HTN1: variants seen among roughly 807,000 people sequenced by gnomAD.
The protein encoded by HTN1 is histatin-1.
In HTN1, 18 loss-of-function variants were observed where a neutral mutation model predicts 11.2. The observed-to-expected ratio is 1.61, with a 90% CI of 1.12 to 2.39. HTN1 has a LOEUF of 2.39. Ranked by LOEUF, HTN1 falls within the 30% of genes most tolerant of loss-of-function variation. The pLI is 0.00. For missense variants in HTN1, 80 were observed against 67.2 expected (o/e 1.19, Z -0.67); for synonymous variants, 21 against 20.5 (o/e 1.02, Z -0.07).
At position 70,054,401 on chromosome 4, in the gene HTN1, C is replaced by A. The variant is rs1725982432; in HGVS notation, c.73-20C>A. ...AATAAACATATATTGAATTTTTAAT[C>A]TTTTCTTTTTATTTCATAGAGACAT... On this transcript the variant is annotated intron_variant, in intron 3 of 5. Transcript: ENST00000246896. 2.0e-6 allele frequency: 3 copies of A among 1,520,706 alleles called. No homozygotes were observed. The highest frequency in any genetic ancestry group is 1.8e-5 in the Admixed American group (1 of 56,280). The allele number at this position is 1,520,706 out of a possible 1,614,324, so 94.2% of individuals were successfully genotyped here.
chr4:70,051,293 A>G (rs1660648034), intron 1 of HTN1, among the ~76,000 whole-genome samples: 2 of 152,152 alleles, frequency 1.3e-5, no homozygotes, highest in South Asian at 2.1e-4. Context: ...CAGTGCTGTT[A>G]TAATGCAAAG....
At position 70,058,572 on chromosome 4, in the gene HTN1, C is replaced by T. The variant is rs1726101039; in HGVS notation, c.*34-8C>T. ...GAAGATAAAGTGTTATTTTCTTTTT[C>T]TTCACAGGTTTGACTGGCAAATTCA... On this transcript the variant is annotated splice_region_variant and splice_polypyrimidine_tract_variant and intron_variant, in intron 5 of 5. Transcript: ENST00000246896. 2 of 151,982 alleles carry T rather than the reference C, an allele frequency of 1.3e-5. No individual in the cohort carries two copies. The highest frequency in any genetic ancestry group is 4.8e-5 in the African/African-American group (2 of 41,412). 9.4% of individuals were successfully genotyped at this position (151,982 alleles called of 1,614,324 possible). A position where few individuals can be genotyped will look rare whatever the true frequency, so the allele number is the denominator to read the frequency against.
At chr4:70,058,449 T>C (rs1726098270) in intron 5 of HTN1, 131 bp from the exon 6 acceptor site, 1 of 152,160 alleles carries the variant, frequency 6.6e-6, no homozygotes, top group African/African-American at 2.4e-5. Context: ...CTATATCAAA[T>C]AGTATTTTGG....
At chr4:70,052,383 G>C (rs1262111604) in intron 1 of HTN1, among the ~76,000 whole-genome samples, 4 of 151,944 alleles carry the variant, frequency 2.6e-5, no homozygotes, top group African/African-American at 7.3e-5. Context: ...CATTATATAA[G>C]TCCCCTGTAG....
intron 5 of HTN1, chr4:70,057,330 A>G (rs1726069038): frequency 6.6e-6 from 1 of 152,200 alleles, no homozygotes; most frequent in African/African-American, 2.4e-5. Context: ...GTGGGAGCTG[A>G]ACAGTGAGAA....
Position 70,055,585 on chromosome 4 carries a change from T to C in HTN1, c.*16T>C, listed in dbSNP as rs1377392370. 6.8e-7 allele frequency: 1 copy of C among 1,461,308 alleles called. No homozygotes were observed. The highest frequency in any genetic ancestry group is 9.6e-7 in the Non-Finnish European group (1 of 1,042,520). 90.5% of individuals were successfully genotyped at this position (1,461,308 alleles called of 1,614,324 possible). On this transcript the variant is annotated 3_prime_UTR_variant, in exon 5 of 6. Coordinates refer to ENST00000246896, the MANE Select transcript of HTN1 (RefSeq NM_002159.4). ...TGACAATTGATATCCTTAGTAATCA[T>C]GGGGCATGATTATAGAGGTAAGCTG...
chr4:70,058,098 G>A (rs915739389), intron 5 of HTN1: 3 of 152,096 alleles, frequency 2.0e-5, no homozygotes, highest in Non-Finnish European at 2.9e-5. Flanking sequence ...ACAGAGTACT[G>A]TTCTACAATT....
At chr4:70,054,194 A>C in intron 2 of HTN1, 128 bp from the exon 3 acceptor site, 2 of 563,224 alleles carry the variant, frequency 3.6e-6, no homozygotes, top group Non-Finnish European at 6.1e-6. Context: ...TAACTAATTT[A>C]GTCTGTCATC....
chr4:70,052,804 AAAAG>A (rs1442248330), intron 1 of HTN1: 2 of 282,428 alleles, frequency 7.1e-6, no homozygotes, highest in Non-Finnish European at 1.3e-5. Context: ...AAAAAAAAAA[AAAAG>A]AAAGAAAAAA....
chr4:70,050,987 C>T (rs1202188729), intron 1 of HTN1, among the ~76,000 whole-genome samples: 1 of 152,098 alleles, frequency 6.6e-6, no homozygotes, highest in African/African-American at 2.4e-5. Context: ...TATGAATTAA[C>T]ACCAGCAATC....
At chr4:70,052,977 C>T in intron 1 of HTN1, 87 bp from the exon 2 acceptor site, 1 of 817,820 alleles carries the variant, frequency 1.2e-6, no homozygotes, top group Non-Finnish European at 2.1e-6. Context: ...TCTCCCAATG[C>T]TTTGAAGCAT....
chr4:70,053,461 A>C (rs984723060), intron 2 of HTN1, among the ~76,000 whole-genome samples: 7 of 152,180 alleles, frequency 4.6e-5, no homozygotes, highest in African/African-American at 1.7e-4. Context: ...TAGAAATCTG[A>C]GGAAAGAAAA....
rs1331080008 is a variant in HTN1, at chr4:70,054,322, A to G, written c.52A>G (p.Ser18Gly). The G allele has an allele frequency of 3.4e-6, 5 of 1,484,960 alleles. No individual in the cohort carries two copies. Among genetic ancestry groups the G allele is most frequent in the Non-Finnish European group, 3.7e-6 (4 of 1,095,214 alleles). The allele number at this position is 1,484,960 out of a possible 1,614,324, so 92.0% of individuals were successfully genotyped here. A position where few individuals can be genotyped will look rare whatever the true frequency, so the allele number is the denominator to read the frequency against. Reference sequence around the variant, plus strand: ...TTTTCTCATTTTCTTTTTTTCCAAGAGCGCTGATTCACATGAAAAGGTAAG... The same window carrying G: ...TTTTCTCATTTTCTTTTTTTCCAAGGGCGCTGATTCACATGAAAAGGTAAG... ...LVLALMISMI[S>G]ADSHEKRHHG... Residue 18 changes from serine (S) to glycine (G), a missense_variant and splice_region_variant, in exon 3 of 6, where the codon AGC becomes GGC. Ser to Gly is a moderately conservative substitution (Grantham distance 56, BLOSUM62 0). Coordinates refer to ENST00000246896, the MANE Select transcript of HTN1 (RefSeq NM_002159.4).
chr4:70,052,793 T>TTA (rs1725926633), intron 1 of HTN1: 1 of 213,442 alleles, frequency 4.7e-6, no homozygotes, highest in Non-Finnish European at 9.2e-6. Flanking sequence ...CATTCTCTAC[T>TTA]AAAAAAAAAA....
intron 1 of HTN1, 30 bp downstream of exon 1, chr4:70,050,525 T>C (rs1578181903): frequency 1.3e-5 from 2 of 152,306 alleles, no homozygotes; most frequent in East Asian, 1.9e-4. Context: ...TCTAATATTA[T>C]ATATTAGCAT....
intron 5 of HTN1, chr4:70,057,890 A>C (rs1329333700): frequency 1.3e-5 from 2 of 152,190 alleles, no homozygotes; most frequent in African/African-American, 4.8e-5. Context: ...ATGCCTAAGC[A>C]ACTCTAATGA....
intron 5 of HTN1, chr4:70,057,710 G>A (rs530781485): frequency 8.5e-4 from 130 of 152,092 alleles, no homozygotes; most frequent in African/African-American, 2.6e-3. Context: ...AAAGACTATT[G>A]AGAGACATTA....
At chr4:70,055,874 G>T (rs1726026760) in intron 5 of HTN1, 2 of 224,440 alleles carry the variant, frequency 8.9e-6, no homozygotes, top group Admixed American at 1.1e-4. Context: ...AAGTCAGGTA[G>T]TGTGATGCCT....
At position 70,058,835 on chromosome 4, in the gene HTN1, C is replaced by A. The variant is rs772500616; in HGVS notation, c.*289C>A. 2 of 152,176 alleles carry A rather than the reference C, an allele frequency of 1.3e-5. No individual in the cohort carries two copies. Among genetic ancestry groups the A allele is most frequent in the Non-Finnish European group, 2.9e-5 (2 of 68,032 alleles). The allele number at this position is 152,176 out of a possible 1,614,324, so 9.4% of individuals were successfully genotyped here. On this transcript the variant is annotated 3_prime_UTR_variant, in exon 6 of 6. Coordinates refer to ENST00000246896, the MANE Select transcript of HTN1 (RefSeq NM_002159.4). ...ATTCCTCTCCAAAAGCAATAAATTT[C>A]TAGCACATTATTATGTGTATGCTCT...
Sources: allele counts gnomAD v4.1 joint callset (sites outside exome capture counted in the v4.1 genomes callset), GRCh38; gene constraint gnomAD v4.1.1; transcripts MANE v1.5; gene names NCBI Gene and HGNC (gene_info 2026-07-23, HGNC 2026-07-21).